CCDC180: variants seen among roughly 807,000 people sequenced by gnomAD.
CCDC180 encodes the protein coiled-coil domain containing 180.
In CCDC180, 154 loss-of-function variants were observed where a neutral mutation model predicts 209.2. The ratio of observed to expected loss-of-function variants is 0.74; its 90% CI spans 0.65 to 0.84. CCDC180 has a LOEUF of 0.84. Ranked by LOEUF, CCDC180 falls within the 40% of genes least tolerant of loss-of-function variation. The probability of loss-of-function intolerance (pLI) is 0.00; values close to 1 mark genes in which losing one functional copy is unlikely to be tolerated. For synonymous variants in CCDC180, 778 were observed against 749.1 expected (o/e 1.04, Z -0.63); for missense variants, 1,874 against 1,997.3 (o/e 0.94, Z 1.18).
At chr9:97,335,138 C>A (rs1825863381) in intron 18 of CCDC180, among the ~76,000 whole-genome samples, 1 of 151,682 alleles carries the variant, frequency 6.6e-6, no homozygotes, top group African/African-American at 2.4e-5. Flanking sequence ...CCTTCTTTTG[C>A]TCTATTAAAA....
At position 97,349,367 on chromosome 9, in the gene CCDC180, C is replaced by G. The variant is rs566296265; in HGVS notation, c.2855+76C>G. 1.5e-4 allele frequency: 201 copies of G among 1,317,942 alleles called. 2 individuals are homozygous for G. In the East Asian group the frequency reaches 4.8e-3, roughly 31 times the overall value. 81.6% of individuals were successfully genotyped at this position (1,317,942 alleles called of 1,614,324 possible). Reference sequence around the variant, plus strand: ...GTTCGGCTGCTGCTTTCAAAGGAGCCCCCCTCCCTGTAGACACAAAAGCAG... The same window carrying G: ...GTTCGGCTGCTGCTTTCAAAGGAGCGCCCCTCCCTGTAGACACAAAAGCAG... On this transcript the variant is annotated intron_variant, in intron 21 of 36. Transcript: ENST00000529487.
intron 22 of CCDC180, among the ~76,000 whole-genome samples, chr9:97,351,713 A>C (rs1333084606): frequency 6.6e-6 from 1 of 152,182 alleles, no homozygotes; most frequent in Non-Finnish European, 1.5e-5. Flanking sequence ...ATGGAATCCT[A>C]GTATACATGC....
chr9:97,315,792 GC>G (rs1337494239), intron 8 of CCDC180, among the ~76,000 whole-genome samples: 1 of 152,164 alleles, frequency 6.6e-6, no homozygotes, highest in African/African-American at 2.4e-5. Context: ...CTTTTCCACT[GC>G]CCAGATGTGG....
At position 97,370,746 on chromosome 9, in the gene CCDC180, A is replaced by G. The variant is rs1210853428; in HGVS notation, c.4456A>G (p.Ser1486Gly). Reference protein sequence around the residue: ...SEEERQEELDSMIRMNKEKLE... With the variant: ...SEEERQEELDGMIRMNKEKLE... ...AGAGGAAAGGCAGGAAGAGCTGGAC[A>G]GCATGATTAGGATGAACAAGGAGAA... is the stretch of plus-strand genomic sequence containing the variant. Residue 1486 changes from serine to glycine, a missense_variant, in exon 33 of 37, where the codon AGC becomes GGC. Transcript: ENST00000529487. The G allele has an allele frequency of 3.7e-6, 6 of 1,614,150 alleles. No homozygotes were observed. The highest frequency in any genetic ancestry group is 4.2e-6 in the Non-Finnish European group (5 of 1,180,018).
At chr9:97,322,552 C>G (rs1026128527) in intron 11 of CCDC180, among the ~76,000 whole-genome samples, 1 of 152,176 alleles carries the variant, frequency 6.6e-6, no homozygotes, top group Non-Finnish European at 1.5e-5. Context: ...CAACTTGGTG[C>G]AGTTTCCCAA....
At chr9:97,347,733 A>T (rs761236516) in intron 20 of CCDC180, 7 of 467,764 alleles carry the variant, frequency 1.5e-5, no homozygotes, top group Admixed American at 3.8e-5. Context: ...AGGGTGTTAT[A>T]GTTGAAAACA....
intron 18 of CCDC180, among the ~76,000 whole-genome samples, chr9:97,334,601 T>C (rs1242695617): frequency 6.6e-6 from 1 of 152,242 alleles, no homozygotes; most frequent in Non-Finnish European, 1.5e-5. Context: ...CCTTTAGGGC[T>C]ATGTATGTCC....
At chr9:97,358,056 T>G (rs1352098357) in intron 25 of CCDC180, 1 of 206,184 alleles carries the variant, frequency 4.9e-6, no homozygotes, top group Non-Finnish European at 9.6e-6. Context: ...CAGTCCTAGA[T>G]GCATGACAGA....
intron 18 of CCDC180, among the ~76,000 whole-genome samples, chr9:97,335,527 C>CA (rs1462591701): frequency 6.6e-6 from 1 of 152,210 alleles, no homozygotes; most frequent in African/African-American, 2.4e-5. Context: ...TTTATGGCTG[C>CA]ATAATATTCC....
chr9:97,314,292 T>C, intron 5 of CCDC180, 101 bp from the exon 6 acceptor site: 2 of 1,416,150 alleles, frequency 1.4e-6, no homozygotes, highest in South Asian at 1.2e-5. Flanking sequence ...ATCATCATTT[T>C]TGAGATAGAA....
Position 97,330,449 on chromosome 9 carries a change from G to A in CCDC180, c.1956G>A (p.Glu652=), listed in dbSNP as rs1385354408. Residue 652 remains glutamate, a synonymous_variant, in exon 18 of 37, where the codon GAG becomes GAA. Transcript: ENST00000529487. ...CAAGTACTGCCAGGTCAGTAGAAGA[G>A]GTGGAAGAAGAAAACGATCAAGAAA... is the stretch of plus-strand genomic sequence containing the variant. ...SGTSTARSVE[E]VEEENDQEME... 2 of 1,614,142 alleles carry A rather than the reference G, an allele frequency of 1.2e-6. No homozygotes were observed. The highest frequency in any genetic ancestry group is 8.5e-7 in the Non-Finnish European group (1 of 1,180,042).
intron 4 of CCDC180, 85 bp downstream of exon 4, chr9:97,312,286 C>T (rs1453599193): frequency 3.4e-6 from 4 of 1,167,580 alleles, no homozygotes; most frequent in African/African-American, 1.5e-5. Flanking sequence ...CCTGGCAACT[C>T]CTCTGAGGAA....
Position 97,377,869 on chromosome 9 carries a change from A to G in CCDC180, c.*975A>G, listed in dbSNP as rs1010107763. ...GGAATATATGCGCATTGTAGAAAAA[A>G]GAATTTATGAAACCAGCAAAAGGAT... On this transcript the variant is annotated 3_prime_UTR_variant, in exon 37 of 37. Coordinates refer to ENST00000529487, the MANE Select transcript of CCDC180 (RefSeq NM_020893.6). The G allele has an allele frequency of 6.6e-6, 1 of 152,034 alleles. No homozygotes were observed. Among genetic ancestry groups the G allele is most frequent in the African/African-American group, 2.4e-5 (1 of 41,370 alleles). The allele number at this position is 152,034 out of a possible 1,614,324, so 9.4% of individuals were successfully genotyped here.
intron 19 of CCDC180, 67 bp downstream of exon 19, chr9:97,343,630 A>AG: frequency 8.6e-7 from 1 of 1,165,436 alleles, no homozygotes; most frequent in South Asian, 1.5e-5. Flanking sequence ...GAAATATTAA[A>AG]AAAAAAAAAA....
chr9:97,377,126 G>A lies in CCDC180; in HGVS notation c.*232G>A. The A allele has an allele frequency of 2.8e-6, 1 of 356,718 alleles. No individual in the cohort carries two copies. The highest frequency in any genetic ancestry group is 5.1e-6 in the Non-Finnish European group (1 of 195,938). The allele number at this position is 356,718 out of a possible 1,614,324, so 22.1% of individuals were successfully genotyped here. On this transcript the variant is annotated 3_prime_UTR_variant, in exon 37 of 37. Transcript: ENST00000529487. ...AGGGGAATTCCACGTGGTTAGCAGG[G>A]AGGGTGAGTACCAGGAATCAGTCAC...
chr9:97,349,003 G>C (rs1379080496), intron 20 of CCDC180, 108 bp from the exon 21 acceptor site: 2 of 1,063,814 alleles, frequency 1.9e-6, no homozygotes, highest in Non-Finnish European at 2.7e-6. Flanking sequence ...AATTGTTCCT[G>C]TTCTGCAGCT....
chr9:97,372,361 C>T (rs1392686522), intron 34 of CCDC180: 9 of 152,194 alleles, frequency 5.9e-5, no homozygotes, highest in East Asian at 1.9e-4. Context: ...CTTGGTAGAG[C>T]GTACATGGAT....
intron 18 of CCDC180, among the ~76,000 whole-genome samples, chr9:97,340,579 A>G (rs1171012378): frequency 6.6e-6 from 1 of 152,248 alleles, no homozygotes; most frequent in Non-Finnish European, 1.5e-5. Context: ...TGGAAAAACC[A>G]GGCCATACAG....
chr9:97,357,958 G>A (rs566997400), intron 25 of CCDC180: 9 of 420,528 alleles, frequency 2.1e-5, no homozygotes, highest in South Asian at 1.9e-4. Flanking sequence ...ATGGAGCAGC[G>A]TCTAGTGTTG....
Sources: gnomAD v4.1 joint callset for allele counts (sites outside exome capture counted in the v4.1 genomes callset) on GRCh38, gnomAD v4.1.1 for gene constraint, MANE v1.5 for transcripts, NCBI Gene and HGNC (gene_info 2026-07-23, HGNC 2026-07-21) for gene names.